GIGYF1: variants seen among roughly 807,000 people sequenced by gnomAD.
The protein encoded by GIGYF1 is GRB10-interacting GYF protein 1.
A neutral mutation model predicts 147.1 loss-of-function variants in GIGYF1; 84 were observed. That is an observed-to-expected ratio of 0.57 (90% confidence interval 0.48 to 0.68). The LOEUF is 0.68. GIGYF1 is among the 30% of genes least tolerant of loss of function. The pLI is 0.00. For synonymous variants in GIGYF1, 752 were observed against 589.5 expected, an observed-to-expected ratio of 1.28 and a Z score of -3.99; for missense variants, 1,485 against 1,393.7, an observed-to-expected ratio of 1.07 and a Z score of -1.04.
chr7:100,686,134 A>T lies in GIGYF1; in HGVS notation c.948+46T>A. The T allele has an allele frequency of 3.1e-6, 5 of 1,600,908 alleles. No individual in the cohort carries two copies. The South Asian group carries it at 5.6e-5, about 18-fold the overall frequency. ...ACAGCTGGGGTGGGTGGGGAGGAAG[A>T]GGACCCCGGAAGGGCAGGTTCCCAC... On this transcript the variant is annotated intron_variant, in intron 11 of 26. Coordinates refer to ENST00000678049, the MANE Select transcript of GIGYF1 (RefSeq NM_001375765.1).
chr7:100,688,115 A>C lies in GIGYF1; in HGVS notation c.36-5T>G. The C allele has an allele frequency of 6.2e-7, 1 of 1,605,830 alleles. No individual in the cohort carries two copies. Among genetic ancestry groups the C allele is most frequent in the Non-Finnish European group, 8.5e-7 (1 of 1,175,362 alleles). ...CCCCCGGACAGGGCCCTGAGCCTGG[A>C]CACAACACAGAGAGAAGAAGACAGA... On this transcript the variant is annotated splice_region_variant and splice_polypyrimidine_tract_variant and intron_variant, in intron 4 of 26. Transcript: ENST00000678049.
rs202041584 is a variant in GIGYF1 at position 100,682,347 on chromosome 7, C to T, written c.2736G>A (p.Thr912=). ...FTQWCEQMLH[T]LSATGSLDVP... ...CGTCCAGGCTGCCCGTGGCGCTCAG[C>T]GTGTGCAGCATCTGCTCGCACCACT... Residue 912 remains threonine (T), a synonymous_variant, in exon 24 of 27, where the codon ACG becomes ACA. Transcript: ENST00000678049. 30 of 1,613,052 alleles carry T rather than the reference C, an allele frequency of 1.9e-5. No individual in the cohort carries two copies. The highest frequency in any genetic ancestry group is 8.8e-5 in the South Asian group (8 of 91,086).
intron 1 of GIGYF1, 48 bp downstream of exon 1, chr7:100,694,062 C>A: frequency 6.8e-6 from 1 of 146,388 alleles, no homozygotes; most frequent in South Asian, 1.9e-4. Flanking sequence ...CGGGCCTGCC[C>A]CGGGGCTGGG....
Position 100,681,405 on chromosome 7 carries a change from T to G in GIGYF1, c.*314A>C. ...AACAAAAACCTCTGTGGACCTTCCA[T>G]TGTCACACCCACTATCCTCACAGCA... is the stretch of plus-strand genomic sequence containing the variant. On this transcript the variant is annotated 3_prime_UTR_variant, in exon 27 of 27. Transcript: ENST00000678049. 1 of 268,472 alleles carries G rather than the reference T, an allele frequency of 3.7e-6. No homozygotes were observed. Among genetic ancestry groups the G allele is most frequent in the African/African-American group, 2.2e-5 (1 of 45,016 alleles). The allele number at this position is 268,472 out of a possible 1,614,324, so 16.6% of individuals were successfully genotyped here.
At position 100,687,489 on chromosome 7, in the gene GIGYF1, G is replaced by C. The variant is rs956002423; in HGVS notation, c.373+16C>G. The C allele has an allele frequency of 2.7e-5, 44 of 1,607,014 alleles. No homozygotes were observed. Among genetic ancestry groups the C allele is most frequent in the Non-Finnish European group, 3.7e-5 (44 of 1,175,566 alleles). ...CCAGATCTGCCCGTCCCCAGGACAC[G>C]CCATCACCCCTCTACCTCGGCTCCG... is the stretch of plus-strand genomic sequence containing the variant. On this transcript the variant is annotated intron_variant, in intron 7 of 26. Coordinates refer to ENST00000678049, the MANE Select transcript of GIGYF1 (RefSeq NM_001375765.1).
chr7:100,691,762 TTCTCTTTCTCGGGCCTG>T (rs1234505208), intron 1 of GIGYF1, among the ~76,000 whole-genome samples: 1 of 151,888 alleles, frequency 6.6e-6, no homozygotes, highest in African/African-American at 2.4e-5. Flanking sequence ...TCCCCACCCC[TTCTCTTTCTCGGGCCTG>T]TCTACCCTCA....
rs1489401209 is a variant in GIGYF1 at position 100,681,582 on chromosome 7, G to GT, written c.*136dup. The GT allele has an allele frequency of 3.2e-6, 2 of 626,368 alleles. No individual in the cohort carries two copies. Among genetic ancestry groups the GT allele is most frequent in the Non-Finnish European group, 2.6e-6 (1 of 389,994 alleles). 38.8% of individuals were successfully genotyped at this position (626,368 alleles called of 1,614,324 possible). ...TGGTGGGTGAGTTAAGGTGCATCGT[G>GT]TGTTTGTAACAAGTGCTGGGGACCC... On this transcript the variant is annotated 3_prime_UTR_variant, in exon 27 of 27. Transcript: ENST00000678049.
In GIGYF1 at chr7:100,687,287, C is replaced by T; in HGVS notation, c.482+11G>A. The T allele has an allele frequency of 6.2e-7, 1 of 1,610,070 alleles. No homozygotes were observed. On this transcript the variant is annotated intron_variant, in intron 8 of 26. Coordinates refer to ENST00000678049, the MANE Select transcript of GIGYF1 (RefSeq NM_001375765.1). ...TGCCCGGCTCTGCGCCATGCCCCCT[C>T]CCCGCCCCACCTGTCATCCCAGCTC...
intron 15 of GIGYF1, 38 bp from the exon 16 acceptor site, chr7:100,684,654 T>C (rs202222005): frequency 6.2e-7 from 1 of 1,613,348 alleles, no homozygotes; most frequent in African/African-American, 1.3e-5. Flanking sequence ...ACCACTGGGG[T>C]CACAGGGTAT....
intron 22 of GIGYF1, 111 bp from the exon 23 acceptor site, chr7:100,682,888 C>A: frequency 7.9e-7 from 1 of 1,273,610 alleles, no homozygotes. Context: ...GCCACAAGAG[C>A]TGTTGCCATC....
chr7:100,681,946 G>T lies in GIGYF1; in HGVS notation c.2973C>A (p.Asn991Lys). Residue 991 changes from asparagine (N) to lysine (K), a missense_variant, in exon 26 of 27, where the codon AAC (asparagine) becomes AAA (lysine). Coordinates refer to ENST00000678049, the MANE Select transcript of GIGYF1 (RefSeq NM_001375765.1). ...SASLQTAFQANHSTKLGPGEG... is the reference protein window; with the variant it reads ...SASLQTAFQAKHSTKLGPGEG... Reference sequence around the variant, plus strand: ...CCCCGGGGCCGAGTTTGGTGCTGTGGTTGGCCTGGAAGGCCGTCTGCAGCG... The same window carrying T: ...CCCCGGGGCCGAGTTTGGTGCTGTGTTTGGCCTGGAAGGCCGTCTGCAGCG... The T allele has an allele frequency of 1.2e-6, 2 of 1,609,790 alleles. No homozygotes were observed. Among genetic ancestry groups the T allele is most frequent in the South Asian group, 1.1e-5 (1 of 91,086 alleles).
rs1265482741 is a variant in GIGYF1 at position 100,686,941 on chromosome 7, C to T, written c.523+65G>A. 6 of 1,607,104 alleles carry T rather than the reference C, an allele frequency of 3.7e-6. No individual in the cohort carries two copies. The African/African-American group carries it at 5.3e-5, about 14-fold the overall frequency. On this transcript the variant is annotated intron_variant, in intron 9 of 26. Transcript: ENST00000678049. ...CCCAACACCTCCGAAATAAGCACCC[C>T]CAGACTGGGCCACCCATCTTGGTCC...
Position 100,685,165 on chromosome 7 carries a change from G to T in GIGYF1, c.1193-19C>A, listed in dbSNP as rs888607608. 3 of 1,563,018 alleles carry T rather than the reference G, an allele frequency of 1.9e-6. No homozygotes were observed. The highest frequency in any genetic ancestry group is 1.4e-5 in the African/African-American group (1 of 73,734). On this transcript the variant is annotated intron_variant, in intron 13 of 26. Coordinates refer to ENST00000678049, the MANE Select transcript of GIGYF1 (RefSeq NM_001375765.1). ...ATATCATCTGGAAGGCATGAGATAGGAGGTGGAAAGAAGGGCGGGGAGGAG... is the reference window on the plus strand; with the variant it reads ...ATATCATCTGGAAGGCATGAGATAGTAGGTGGAAAGAAGGGCGGGGAGGAG...
In GIGYF1 at chr7:100,683,856, C is replaced by T. The variant is rs1211142364; in HGVS notation, c.1931G>A (p.Arg644His). Residue 644 changes from arginine (R) to histidine (H), a missense_variant, in exon 19 of 27, where the codon CGC becomes CAC. Arg to His is a conservative substitution (Grantham distance 29, BLOSUM62 0). Transcript: ENST00000678049. ...SRSLSVPDSG[R>H]LWDVHTSASS... ...GGCTGAGGTATGTACGTCCCAGAGG[C>T]GGCCCGAATCTGGCACCGACAAGGA... 6.4e-6 allele frequency: 10 copies of T among 1,564,760 alleles called. No homozygotes were observed. Among genetic ancestry groups the T allele is most frequent in the African/African-American group, 1.4e-5 (1 of 73,882 alleles).
rs371312911 is a variant in GIGYF1 at position 100,686,173 on chromosome 7, C to T, written c.948+7G>A. On this transcript the variant is annotated splice_region_variant and intron_variant, in intron 11 of 26. Transcript: ENST00000678049. Reference sequence around the variant, plus strand: ...GCAGGTTCCCACCCTCGCCTCCTCACAGATACCTTGAGAGGCAAGAAGGCC... The same window carrying T: ...GCAGGTTCCCACCCTCGCCTCCTCATAGATACCTTGAGAGGCAAGAAGGCC... 48 of 1,605,778 alleles carry T rather than the reference C, an allele frequency of 3.0e-5. No individual in the cohort carries two copies. In the African/African-American group the frequency reaches 5.9e-4, roughly 20 times the overall value.
Position 100,681,857 on chromosome 7 carries a change from A to C in GIGYF1, c.3055+7T>G. The C allele has an allele frequency of 3.7e-6, 6 of 1,612,524 alleles. No individual in the cohort carries two copies. Among genetic ancestry groups the C allele is most frequent in the Non-Finnish European group, 5.1e-6 (6 of 1,179,558 alleles). On this transcript the variant is annotated splice_region_variant and intron_variant, in intron 26 of 26. Transcript: ENST00000678049. ...GGAAGTCCCGCTCCTGCCCCAGCCC[A>C]GCTCACCCAGGATGCTGGGGTCTGA... is the stretch of plus-strand genomic sequence containing the variant.
chr7:100,693,000 G>C (rs776979325), intron 1 of GIGYF1, among the ~76,000 whole-genome samples: 26 of 152,172 alleles, frequency 1.7e-4, no homozygotes, highest in Non-Finnish European at 3.1e-4. Flanking sequence ...CATGCCAAAG[G>C]CGAGGGGTTG....
In GIGYF1 at chr7:100,681,999, G is replaced by A. The variant is rs1246606329; in HGVS notation, c.2926-6C>T. The A allele has an allele frequency of 1.2e-6, 2 of 1,609,372 alleles. No homozygotes were observed. Among genetic ancestry groups the A allele is most frequent in the Non-Finnish European group, 1.7e-6 (2 of 1,179,918 alleles). On this transcript the variant is annotated splice_polypyrimidine_tract_variant and splice_region_variant and intron_variant, in intron 25 of 26. Transcript: ENST00000678049. ...GCGCTGCTCAGCCATGCCTCCTAAGGCAGCGGAGAGGAGGGTGAAGGTCAG... is the reference window on the plus strand; with the variant it reads ...GCGCTGCTCAGCCATGCCTCCTAAGACAGCGGAGAGGAGGGTGAAGGTCAG...
rs374895463 is a variant in GIGYF1 at position 100,686,388 on chromosome 7, C to G, written c.740G>C (p.Arg247Pro). ...SAGWREHGER[R>P]RKFEFDLRGD... ...TCGCAAATCAAATTCAAACTTGCGC[C>G]GCCGTTCCCCATGTTCCCGCCAGCC... The change falls in exon 11 of 27, where the codon CGG becomes CCG. Residue 247 changes from arginine to proline, a missense_variant. Coordinates refer to ENST00000678049, the MANE Select transcript of GIGYF1 (RefSeq NM_001375765.1). 2.5e-6 allele frequency: 4 copies of G among 1,611,084 alleles called. No homozygotes were observed. The highest frequency in any genetic ancestry group is 2.5e-6 in the Non-Finnish European group (3 of 1,178,470).
Sources: allele counts gnomAD v4.1 joint callset (sites outside exome capture counted in the v4.1 genomes callset), GRCh38; gene constraint gnomAD v4.1.1; transcripts MANE v1.5; gene names NCBI Gene and HGNC (gene_info 2026-07-23, HGNC 2026-07-21).